LAMB1: variants seen among roughly 807,000 people sequenced by gnomAD.
LAMB1 encodes laminin subunit beta 1, also known as laminin subunit beta-1.
LAMB1 carries 121 observed loss-of-function variants against 222.3 expected under a neutral mutation model. The observed-to-expected ratio is 0.54, with a 90% CI of 0.47 to 0.63. The LOEUF is 0.63. Ranked by LOEUF, LAMB1 falls within the 30% of genes least tolerant of loss-of-function variation. LAMB1 has a pLI of 0.00. For synonymous variants in LAMB1, 794 were observed against 807.2 expected (o/e 0.98, Z 0.28); for missense variants, 2,172 against 2,240.8 (o/e 0.97, Z 0.62).
rs774790976 is a variant in LAMB1, at chr7:107,994,934, C to G, written c.376G>C (p.Asp126His). ...NGVENVTIQL[D>H]LEAEFHFTHL... ...GTAAAATGGAATTCTGCTTCCAAAT[C>G]CAGTTGGATAGTTACATTTTCCACA... is the stretch of plus-strand genomic sequence containing the variant. The change falls in exon 5 of 34, where the codon GAT (aspartate) becomes CAT (histidine). Residue 126 changes from aspartate to histidine, a missense_variant. Transcript: ENST00000222399. 4 of 1,600,724 alleles carry G rather than the reference C, an allele frequency of 2.5e-6. No homozygotes were observed. In the South Asian group the frequency reaches 3.3e-5, roughly 13 times the overall value.
At chr7:107,990,351 G>A (rs2034159410) in intron 5 of LAMB1, among the ~76,000 whole-genome samples, 1 of 152,066 alleles carries the variant, frequency 6.6e-6, no homozygotes, top group Admixed American at 6.6e-5. Context: ...AGAGTTATGA[G>A]TTTTGAAACA....
intron 5 of LAMB1, among the ~76,000 whole-genome samples, chr7:107,990,943 G>A (rs2034170167): frequency 6.6e-6 from 1 of 152,174 alleles, no homozygotes; most frequent in South Asian, 2.1e-4. Context: ...CTTCATCAAT[G>A]CTGACATCAA....
intron 5 of LAMB1, among the ~76,000 whole-genome samples, chr7:107,986,602 G>C (rs1056817994): frequency 1.3e-5 from 2 of 152,116 alleles, no homozygotes; most frequent in Non-Finnish European, 2.9e-5. Flanking sequence ...TAAGTAAACT[G>C]TTTCTCTTTA....
intron 12 of LAMB1, 91 bp downstream of exon 12, chr7:107,974,895 G>T: frequency 1.3e-6 from 1 of 755,474 alleles, no homozygotes; most frequent in South Asian, 1.4e-5. Context: ...ACGTGAGGGT[G>T]ATCGCAGACT....
At chr7:107,933,603 GA>G (rs1329355249) in intron 27 of LAMB1, among the ~76,000 whole-genome samples, 1,939 of 143,854 alleles carry the variant, frequency 0.013, 38 homozygotes, top group African/African-American at 0.044. Flanking sequence ...GGCAGACATG[GA>G]AAAAAAAAAA....
At chr7:107,959,635 C>A (rs1251630905) in intron 19 of LAMB1, 56 bp downstream of exon 19, 1 of 1,613,942 alleles carries the variant, frequency 6.2e-7, no homozygotes, top group Non-Finnish European at 8.5e-7. Flanking sequence ...TGGAACCCTG[C>A]CACAATGGCT....
intron 15 of LAMB1, among the ~76,000 whole-genome samples, chr7:107,962,696 A>C (rs1437523120): frequency 6.9e-6 from 1 of 144,826 alleles, no homozygotes; most frequent in African/African-American, 2.7e-5. Flanking sequence ...CCTGGACAAC[A>C]GAGCGAGACT....
intron 7 of LAMB1, among the ~76,000 whole-genome samples, chr7:107,985,303 T>C (rs147463102): frequency 5.5e-4 from 84 of 152,268 alleles, no homozygotes; most frequent in African/African-American, 2.0e-3. Flanking sequence ...GAGTAAGACT[T>C]ATTCCATGGC....
intron 9 of LAMB1, among the ~76,000 whole-genome samples, chr7:107,977,036 C>T (rs112048516): frequency 3.1e-3 from 349 of 112,754 alleles, no homozygotes; most frequent in Middle Eastern, 5.4e-3. Context: ...CTTTCCTCTC[C>T]CTCCTTCCTT....
rs1447721074 is a variant in LAMB1 at position 107,932,321 on chromosome 7, G to A, written c.4245C>T (p.Asn1415=). 3 of 1,614,074 alleles carry A rather than the reference G, an allele frequency of 1.9e-6. No homozygotes were observed. Among genetic ancestry groups the A allele is most frequent in the African/African-American group, 2.7e-5 (2 of 74,936 alleles). ...TCCTCTCTCCTTCGTCAGTTCTGCA[G>A]TTTGGCCCGCCACATTCAGTCTCGG... is the stretch of plus-strand genomic sequence containing the variant. ...SCSETECGGP[N]CRTDEGERKC... is the part of the protein sequence containing the mutation. Residue 1415 remains asparagine, a synonymous_variant, in exon 28 of 34, where the codon AAC becomes AAT. Transcript: ENST00000222399.
chr7:107,999,242 GC>G (rs1281569422), intron 3 of LAMB1, among the ~76,000 whole-genome samples: 9 of 152,210 alleles, frequency 5.9e-5, no homozygotes, highest in Non-Finnish European at 1.3e-4. Flanking sequence ...GGGAGCCAGA[GC>G]CACCTGGGCA....
intron 7 of LAMB1, among the ~76,000 whole-genome samples, chr7:107,982,418 A>G (rs1420941300): frequency 6.6e-6 from 1 of 152,232 alleles, no homozygotes; most frequent in Non-Finnish European, 1.5e-5. Context: ...CATAGCTTAC[A>G]ATGAAGCTAT....
At chr7:107,930,048 A>G (rs889288134) in intron 29 of LAMB1, 2 of 168,398 alleles carry the variant, frequency 1.2e-5, no homozygotes, top group Non-Finnish European at 2.6e-5. Flanking sequence ...ACTTAAAGGC[A>G]ATGAAATCTT....
chr7:107,929,528 C>G lies in LAMB1; in HGVS notation c.4629G>C (p.Leu1543Phe). Residue 1543 changes from leucine to phenylalanine, a missense_variant, in exon 30 of 34, where the codon TTG becomes TTC. Physicochemically the swap from Leu to Phe is conservative, Grantham distance 22 (BLOSUM62 0). Coordinates refer to ENST00000222399, the MANE Select transcript of LAMB1 (RefSeq NM_002291.3). Reference sequence around the variant, plus strand: ...CAACTCGTTCACGTATATCTTCTGTCAAGTTCTGTAACTGCTGTGGGGTGC... The same window carrying G: ...CAACTCGTTCACGTATATCTTCTGTGAAGTTCTGTAACTGCTGTGGGGTGC... ...MPSTPQQLQN[L>F]TEDIRERVES... 6.2e-7 allele frequency: 1 copy of G among 1,614,136 alleles called. No individual in the cohort carries two copies. The highest frequency in any genetic ancestry group is 8.5e-7 in the Non-Finnish European group (1 of 1,179,986).
intron 23 of LAMB1, 39 bp from the exon 24 acceptor site, chr7:107,951,361 G>T: frequency 6.3e-7 from 1 of 1,581,492 alleles, no homozygotes; most frequent in Non-Finnish European, 8.7e-7. Context: ...GCAGGCTTCA[G>T]GCCAGAAGCC....
intron 21 of LAMB1, among the ~76,000 whole-genome samples, chr7:107,954,086 A>G (rs1169160864): frequency 6.6e-6 from 1 of 152,148 alleles, no homozygotes; most frequent in Non-Finnish European, 1.5e-5. Flanking sequence ...TTCTGAGCAC[A>G]TGGGGGTGGA....
chr7:107,982,378 A>T (rs1392780529), intron 7 of LAMB1, among the ~76,000 whole-genome samples: 1 of 152,240 alleles, frequency 6.6e-6, no homozygotes, highest in Non-Finnish European at 1.5e-5. Context: ...TTCACAGCCC[A>T]AATACAATTT....
intron 5 of LAMB1, among the ~76,000 whole-genome samples, chr7:107,993,500 C>A (rs527929652): frequency 6.6e-6 from 1 of 152,306 alleles, no homozygotes; most frequent in South Asian, 2.1e-4. Context: ...TGCGCCTACA[C>A]AAGTAAGTTC....
chr7:107,990,028 T>C (rs2237705), intron 5 of LAMB1, among the ~76,000 whole-genome samples: 55,530 of 147,874 alleles, frequency 0.38, 10,828 homozygotes, highest in Middle Eastern at 0.51. Context: ...GTTTTTTGTG[T>C]TTTTTTTTGT....
Sources: allele counts gnomAD v4.1 joint callset (sites outside exome capture counted in the v4.1 genomes callset), GRCh38; gene constraint gnomAD v4.1.1; transcripts MANE v1.5; gene names NCBI Gene and HGNC (gene_info 2026-07-23, HGNC 2026-07-21).